Variants in COL23A1 observed in about 807,000 individuals in gnomAD.
The protein encoded by COL23A1 is collagen alpha-1(XXIII) chain.
COL23A1 carries 97 observed loss-of-function variants against 99.3 expected under a neutral mutation model. That is an observed-to-expected ratio of 0.98 (90% confidence interval 0.83 to 1.16). The LOEUF (loss-of-function observed/expected upper bound fraction) is 1.16. Ranked by LOEUF, COL23A1 falls within the 50% of genes most tolerant of loss-of-function variation. The pLI is 0.00. For missense variants in COL23A1, 762 were observed against 757.4 expected (o/e 1.01, Z -0.07); for synonymous variants, 320 against 308.2 (o/e 1.04, Z -0.40).
At chr5:178,455,387 G>T (rs747091518) in intron 2 of COL23A1, among the ~76,000 whole-genome samples, 1 of 152,150 alleles carries the variant, frequency 6.6e-6, no homozygotes, top group African/African-American at 2.4e-5. Flanking sequence ...CCCTGGCATC[G>T]GCTGACACAG....
At chr5:178,344,114 T>G (rs1760827148) in intron 2 of COL23A1, among the ~76,000 whole-genome samples, 1 of 152,148 alleles carries the variant, frequency 6.6e-6, no homozygotes, top group Non-Finnish European at 1.5e-5. Context: ...TTTGCAGTAA[T>G]ATAAGTATGG....
chr5:178,578,250 C>G (rs1182259002), intron 1 of COL23A1, among the ~76,000 whole-genome samples: 2 of 152,250 alleles, frequency 1.3e-5, no homozygotes, highest in Admixed American at 1.3e-4. Context: ...CTGGCACACA[C>G]GTGCACACAC....
intron 2 of COL23A1, among the ~76,000 whole-genome samples, chr5:178,327,367 C>A (rs1759745974): frequency 6.6e-6 from 1 of 152,174 alleles, no homozygotes; most frequent in South Asian, 2.1e-4. Context: ...GGGAACAATT[C>A]TGGGTACAGA....
chr5:178,289,564 T>C (rs1757338142), intron 4 of COL23A1, among the ~76,000 whole-genome samples: 1 of 152,184 alleles, frequency 6.6e-6, no homozygotes, highest in Admixed American at 6.5e-5. Context: ...CTGATCCACA[T>C]TCTGGCAAAG....
intron 2 of COL23A1, among the ~76,000 whole-genome samples, chr5:178,374,635 G>T (rs1438520378): frequency 6.6e-6 from 1 of 152,202 alleles, no homozygotes; most frequent in Non-Finnish European, 1.5e-5. Flanking sequence ...TGTTGTCAGT[G>T]TCCAGCTTTA....
intron 2 of COL23A1, among the ~76,000 whole-genome samples, chr5:178,426,859 C>A (rs956000408): frequency 6.6e-6 from 1 of 152,168 alleles, no homozygotes; most frequent in East Asian, 1.9e-4. Flanking sequence ...AATAAGCATA[C>A]GAGAGACGCT....
rs531863051 is a variant in COL23A1, at chr5:178,259,852, TGCCCAGG to T, written c.703-112_703-106del. 620 of 1,069,650 alleles carry T rather than the reference TGCCCAGG, an allele frequency of 5.8e-4. 1 individual carries two copies. In the African/African-American group the frequency reaches 8.6e-3, roughly 15 times the overall value. The allele number at this position is 1,069,650 out of a possible 1,614,324, so 66.3% of individuals were successfully genotyped here. On this transcript the variant is annotated intron_variant, in intron 11 of 28. Coordinates refer to ENST00000390654, the MANE Select transcript of COL23A1 (RefSeq NM_173465.4). ...GGGTAGAAGTGGCACTGATGACCCG[TGCCCAGG>T]GCCAGCCCAGAGACCCCTGAATGCT...
chr5:178,433,084 A>G (rs1766352330), intron 2 of COL23A1, among the ~76,000 whole-genome samples: 1 of 151,502 alleles, frequency 6.6e-6, no homozygotes, highest in Admixed American at 6.6e-5. Context: ...TTCCTCCAAC[A>G]CCAACCAGAA....
chr5:178,264,665 G>GT (rs941785813), intron 8 of COL23A1, among the ~76,000 whole-genome samples: 4 of 152,164 alleles, frequency 2.6e-5, no homozygotes, highest in African/African-American at 9.6e-5. Flanking sequence ...TTTTTTGTTT[G>GT]TTTTTTTGAG....
chr5:178,532,441 A>G (rs988758364), intron 2 of COL23A1, among the ~76,000 whole-genome samples: 1 of 151,218 alleles, frequency 6.6e-6, no homozygotes, highest in African/African-American at 2.5e-5. Flanking sequence ...CCAAGAAACA[A>G]CAGTCCAGAG....
chr5:178,286,055 G>A (rs188724083), intron 5 of COL23A1, among the ~76,000 whole-genome samples: 13 of 152,302 alleles, frequency 8.5e-5, no homozygotes, highest in South Asian at 2.1e-4. Flanking sequence ...TGAACGCCCT[G>A]AATCCAGCCC....
chr5:178,400,087 C>T lies in COL23A1; in HGVS notation c.362-93168G>A, dbSNP rs184136192. 9.0e-3 allele frequency among the ~76,000 whole-genome samples: 1,375 copies of T among 152,222 alleles called. 10 individuals are homozygous for T. Among genetic ancestry groups the T allele is most frequent in the Non-Finnish European group, 0.015 (1,045 of 68,022 alleles). ...TATTTTTAAATCTACATGGAATAGG[C>T]TGGGCGCTGTGGCTCACACCTGTAA... On this transcript the variant is annotated intron_variant, in intron 2 of 28. Transcript: ENST00000390654.
intron 2 of COL23A1, among the ~76,000 whole-genome samples, chr5:178,542,809 G>A (rs972819236): frequency 1.3e-5 from 2 of 152,178 alleles, no homozygotes; most frequent in African/African-American, 4.8e-5. Flanking sequence ...GGCCTCTGGG[G>A]TTCATTTAGG....
intron 2 of COL23A1, among the ~76,000 whole-genome samples, chr5:178,371,786 C>A (rs1343668529): frequency 6.6e-6 from 1 of 152,178 alleles, no homozygotes; most frequent in Non-Finnish European, 1.5e-5. Context: ...CCAGCTGAGC[C>A]CCCACCGCCC....
chr5:178,336,369 A>AC (rs1257580092), intron 2 of COL23A1, among the ~76,000 whole-genome samples: 2 of 152,234 alleles, frequency 1.3e-5, no homozygotes, highest in Non-Finnish European at 2.9e-5. Context: ...GGTAAACAAA[A>AC]CATGGTCTAT....
At chr5:178,397,771 G>A (rs902557199) in intron 2 of COL23A1, among the ~76,000 whole-genome samples, 15 of 152,026 alleles carry the variant, frequency 9.9e-5, no homozygotes, top group Admixed American at 2.6e-4. Context: ...AGCAGATCAC[G>A]AGGTCAAGAG....
chr5:178,316,607 G>A (rs1025255612), intron 2 of COL23A1, among the ~76,000 whole-genome samples: 1 of 152,066 alleles, frequency 6.6e-6, no homozygotes, highest in African/African-American at 2.4e-5. Context: ...CTTTATAAAT[G>A]GAGTAAAGCA....
rs998685117 is a variant in COL23A1 at position 178,238,601 on chromosome 5, G to A, written c.*97C>T. 134 of 1,473,512 alleles carry A rather than the reference G, an allele frequency of 9.1e-5. No individual in the cohort carries two copies. Among genetic ancestry groups the A allele is most frequent in the African/African-American group, 3.1e-4 (22 of 71,630 alleles). 91.3% of individuals were successfully genotyped at this position (1,473,512 alleles called of 1,614,324 possible). A position where few individuals can be genotyped will look rare whatever the true frequency, so the allele number is the denominator to read the frequency against. On this transcript the variant is annotated 3_prime_UTR_variant, in exon 29 of 29. Coordinates refer to ENST00000390654, the MANE Select transcript of COL23A1 (RefSeq NM_173465.4). ...TGAATGTTAAAAGGCCACAGGTAGC[G>A]CATTCCATGAAAAAAGATCAATATA...
chr5:178,456,391 GAA>G (rs1767795571), intron 2 of COL23A1, among the ~76,000 whole-genome samples: 1 of 152,162 alleles, frequency 6.6e-6, no homozygotes, highest in African/African-American at 2.4e-5. Flanking sequence ...GACAATGAGA[GAA>G]ACAGTCAAAA....
Sources: allele counts gnomAD v4.1 joint callset (sites outside exome capture counted in the v4.1 genomes callset), GRCh38; gene constraint gnomAD v4.1.1; transcripts MANE v1.5; gene names NCBI Gene and HGNC (gene_info 2026-07-23, HGNC 2026-07-21).